The following BAZ2B variants were observed in gnomAD, a reference collection of about 807,000 sequenced individuals.
The protein encoded by BAZ2B is bromodomain adjacent to zinc finger domain protein 2B.
Under a neutral mutation model 246.0 loss-of-function variants are expected in BAZ2B, and 91 were observed. The observed-to-expected ratio is 0.37, with a 90% CI of 0.31 to 0.44. The LOEUF is 0.44. BAZ2B is among the 20% of genes least tolerant of loss of function. BAZ2B has a pLI of 1.00. For missense variants in BAZ2B, 2,332 were observed against 2,533.7 expected, an observed-to-expected ratio of 0.92 and a Z score of 1.71; for synonymous variants, 855 against 860.0, an observed-to-expected ratio of 0.99 and a Z score of 0.10.
chr2:159,347,323 TG>T (rs146193836), intron 31 of BAZ2B, among the ~76,000 whole-genome samples, 162 bp downstream of exon 31: 8,421 of 152,280 alleles, frequency 0.055, 742 homozygotes, highest in African/African-American at 0.19. Context: ...ACTCTGAGCC[TG>T]GTTCCTTAAC....
chr2:159,476,757 AG>A (rs1487021853), intron 3 of BAZ2B, among the ~76,000 whole-genome samples: 1 of 152,366 alleles, frequency 6.6e-6, no homozygotes, highest in South Asian at 2.1e-4. Flanking sequence ...GCTCACAACA[AG>A]GGTAAGAGAA....
rs770863123 is a variant in BAZ2B at position 159,350,204 on chromosome 2, G to A, written c.4367C>T (p.Thr1456Ile). The A allele has an allele frequency of 3.1e-6, 5 of 1,613,938 alleles. No homozygotes were observed. The highest frequency in any genetic ancestry group is 1.7e-5 in the Admixed American group (1 of 59,922). Reference sequence around the variant, plus strand: ...GCCAGGTTTCTGAAGGAATAGATTTGTGTTATCTTTTTCTTTAAGATCTTC... The same window carrying A: ...GCCAGGTTTCTGAAGGAATAGATTTATGTTATCTTTTTCTTTAAGATCTTC... ...QKEDLKEKDNTNLFLQKPGSF... is the reference protein window; with the variant it reads ...QKEDLKEKDNINLFLQKPGSF... Residue 1456 changes from threonine to isoleucine, a missense_variant, in exon 28 of 37, where the codon ACA becomes ATA. Physicochemically the swap from Thr to Ile is moderately conservative, Grantham distance 89. Transcript: ENST00000392783.
intron 1 of BAZ2B, among the ~76,000 whole-genome samples, chr2:159,614,445 GTAAA>G (rs1252662496): frequency 1.3e-5 from 2 of 151,918 alleles, no homozygotes; most frequent in African/African-American, 2.4e-5. Context: ...TTTTCAAAAT[GTAAA>G]TAAATAATAG....
the BAZ2B span, among the ~76,000 whole-genome samples, chr2:159,647,636 A>G: frequency 6.6e-6 from 1 of 152,206 alleles, no homozygotes; most frequent in East Asian, 1.9e-4. Context: ...TCATTTTGGT[A>G]AAATGTCATG....
intron 2 of BAZ2B, among the ~76,000 whole-genome samples, chr2:159,484,931 G>T (rs530395206): frequency 3.9e-5 from 6 of 152,172 alleles, no homozygotes; most frequent in East Asian, 3.9e-4. Flanking sequence ...TTTAAAGAAT[G>T]ATTTTATTTG....
At chr2:159,460,317 A>AGGT (rs1233409664) in intron 3 of BAZ2B, 2 of 152,136 alleles carry the variant, frequency 1.3e-5, no homozygotes, top group African/African-American at 2.4e-5. Flanking sequence ...CCAGTGAACA[A>AGGT]AATCTCCCAT....
chr2:159,339,086 CTT>C (rs1491196754), intron 31 of BAZ2B, among the ~76,000 whole-genome samples: 1 of 152,016 alleles, frequency 6.6e-6, no homozygotes, highest in African/African-American at 2.4e-5. Context: ...ATTATTTTAT[CTT>C]ATATACTAGG....
the BAZ2B span, among the ~76,000 whole-genome samples, chr2:159,707,134 T>C: frequency 6.6e-6 from 1 of 152,252 alleles, no homozygotes; most frequent in South Asian, 2.1e-4. Context: ...CAATAGACAA[T>C]ACACAATCTA....
intron 1 of BAZ2B, among the ~76,000 whole-genome samples, chr2:159,609,359 C>T (rs1369917423): frequency 1.3e-5 from 2 of 152,108 alleles, no homozygotes; most frequent in African/African-American, 2.4e-5. Flanking sequence ...TAAAGTCATG[C>T]CAATTTTCCC....
chr2:159,512,978 T>C (rs1398819213), intron 2 of BAZ2B, among the ~76,000 whole-genome samples: 1 of 152,158 alleles, frequency 6.6e-6, no homozygotes, highest in Non-Finnish European at 1.5e-5. Context: ...CATCATACAT[T>C]TTTAAAATAA....
intron 5 of BAZ2B, 114 bp from the exon 6 acceptor site, chr2:159,447,089 G>T: frequency 2.9e-6 from 2 of 701,024 alleles, no homozygotes; most frequent in Non-Finnish European, 4.3e-6. Flanking sequence ...AGTGAAAGAA[G>T]ACAGAAAAGG....
intron 36 of BAZ2B, among the ~76,000 whole-genome samples, chr2:159,321,129 A>G (rs937775032): frequency 1.3e-5 from 2 of 152,208 alleles, no homozygotes; most frequent in African/African-American, 2.4e-5. Context: ...GAAAAGAGAA[A>G]AGAAAGGTGA....
At chr2:159,494,661 G>C (rs908713899) in intron 2 of BAZ2B, among the ~76,000 whole-genome samples, 8 of 152,138 alleles carry the variant, frequency 5.3e-5, no homozygotes, top group African/African-American at 1.9e-4. Context: ...TGGGCACCTG[G>C]AATGCCACCT....
intron 14 of BAZ2B, among the ~76,000 whole-genome samples, chr2:159,411,618 G>A (rs373493997): frequency 3.2e-4 from 49 of 152,120 alleles, no homozygotes; most frequent in African/African-American, 9.9e-4. Context: ...AGTCTTAAGC[G>A]GCTTCACATT....
intron 25 of BAZ2B, among the ~76,000 whole-genome samples, chr2:159,380,635 A>T (rs533858558): frequency 5.5e-4 from 84 of 152,278 alleles, no homozygotes; most frequent in African/African-American, 1.9e-3. Flanking sequence ...TATGGACCTG[A>T]ACTATTTGCG....
At chr2:159,574,740 C>T (rs1684884125) in intron 1 of BAZ2B, among the ~76,000 whole-genome samples, 1 of 151,992 alleles carries the variant, frequency 6.6e-6, no homozygotes, top group African/African-American at 2.4e-5. Flanking sequence ...AATCCCGGCA[C>T]TTTGGGAGGC....
At chr2:159,609,305 A>G (rs1436605697) in intron 1 of BAZ2B, among the ~76,000 whole-genome samples, 2 of 152,344 alleles carry the variant, frequency 1.3e-5, no homozygotes, top group African/African-American at 4.8e-5. Context: ...AAAAAACTAG[A>G]GTAACTCTAT....
intron 2 of BAZ2B, among the ~76,000 whole-genome samples, chr2:159,492,618 G>A (rs1412749602): frequency 1.3e-5 from 2 of 152,062 alleles, no homozygotes; most frequent in East Asian, 1.9e-4. Context: ...TTATTTATGT[G>A]CCTTAAATTA....
chr2:159,602,281 C>T (rs916943744), intron 1 of BAZ2B, among the ~76,000 whole-genome samples: 1 of 151,934 alleles, frequency 6.6e-6, no homozygotes, highest in African/African-American at 2.4e-5. Flanking sequence ...GAGTAAGAAA[C>T]AGGAAGAGGA....
Sources: allele counts gnomAD v4.1 joint callset (sites outside exome capture counted in the v4.1 genomes callset), GRCh38; gene constraint gnomAD v4.1.1; transcripts MANE v1.5; gene names NCBI Gene and HGNC (gene_info 2026-07-23, HGNC 2026-07-21).